The following TENM3 variants were observed in gnomAD, a reference collection of about 807,000 sequenced individuals.
TENM3 encodes teneurin transmembrane protein 3, also known as teneurin-3.
In TENM3, 63 loss-of-function variants were observed where a neutral mutation model predicts 255.1. The ratio of observed to expected loss-of-function variants is 0.25; its 90% CI spans 0.20 to 0.30. The LOEUF (loss-of-function observed/expected upper bound fraction) is 0.30, where lower values mean the gene tolerates loss of function less well. TENM3 is among the 10% of genes least tolerant of loss of function. The pLI is 1.00. For synonymous variants in TENM3, 1,306 were observed against 1,322.3 expected (o/e 0.99, Z 0.27); for missense variants, 2,929 against 3,461.1 (o/e 0.85, Z 3.86).
At chr4:181,546,545 C>T in the TENM3 span, among the ~76,000 whole-genome samples, 1 of 142,390 alleles carries the variant, frequency 7.0e-6, no homozygotes, top group Admixed American at 7.7e-5. Context: ...GAAACCCCGT[C>T]TCTACTAAAA....
intron 1 of TENM3, among the ~76,000 whole-genome samples, chr4:182,310,809 C>T (rs1050382204): frequency 1.3e-5 from 2 of 151,622 alleles, no homozygotes; most frequent in African/African-American, 2.4e-5. Flanking sequence ...TGGGTTCAAG[C>T]GATTCTCCTG....
chr4:182,437,626 T>A (rs1370769014), intron 3 of TENM3, among the ~76,000 whole-genome samples: 2 of 151,968 alleles, frequency 1.3e-5, no homozygotes, highest in Non-Finnish European at 2.9e-5. Context: ...TGAAACTCCA[T>A]CTCCACTAAA....
chr4:181,715,116 T>C, the TENM3 span, among the ~76,000 whole-genome samples: 1 of 152,314 alleles, frequency 6.6e-6, no homozygotes, highest in African/African-American at 2.4e-5. Flanking sequence ...GAACCTTCAG[T>C]TTAATCCCAC....
chr4:181,513,129 C>CT, the TENM3 span, among the ~76,000 whole-genome samples: 1 of 152,022 alleles, frequency 6.6e-6, no homozygotes, highest in Non-Finnish European at 1.5e-5. Flanking sequence ...TCCTCTGAGA[C>CT]TTTTTTTGTG....
the TENM3 span, among the ~76,000 whole-genome samples, chr4:181,922,343 C>G: frequency 2.8e-4 from 43 of 152,036 alleles, no homozygotes; most frequent in African/African-American, 9.2e-4. Context: ...GGTAGAATTC[C>G]GCTGTGAATC....
chr4:182,360,277 G>A (rs1256366609), intron 3 of TENM3, among the ~76,000 whole-genome samples: 1 of 128,710 alleles, frequency 7.8e-6, no homozygotes, highest in Admixed American at 8.3e-5. Context: ...GGGTATCCTT[G>A]TTGACTTTCT....
the TENM3 span, among the ~76,000 whole-genome samples, chr4:181,971,450 C>A: frequency 6.6e-6 from 1 of 152,184 alleles, no homozygotes; most frequent in Admixed American, 6.5e-5. Context: ...TAGAAAAATT[C>A]ATGGCAGAGT....
chr4:182,722,538 G>A (rs770985858), intron 13 of TENM3, among the ~76,000 whole-genome samples: 4 of 151,906 alleles, frequency 2.6e-5, no homozygotes, highest in East Asian at 3.9e-4. Context: ...GGAATTGAGG[G>A]CTATGTGGAG....
At chr4:182,465,551 T>C (rs1207353037) in intron 3 of TENM3, among the ~76,000 whole-genome samples, 1 of 152,156 alleles carries the variant, frequency 6.6e-6, no homozygotes, top group Non-Finnish European at 1.5e-5. Flanking sequence ...TGGAATTTTT[T>C]TTATAGCGGC....
chr4:182,635,700 T>C, intron 5 of TENM3, among the ~76,000 whole-genome samples: 1 of 152,220 alleles, frequency 6.6e-6, no homozygotes, highest in East Asian at 1.9e-4. Context: ...ATACATGTTG[T>C]CATATGCCTG....
intron 1 of TENM3, among the ~76,000 whole-genome samples, chr4:182,208,281 A>G (rs1359015076): frequency 6.6e-6 from 1 of 152,186 alleles, no homozygotes; most frequent in Non-Finnish European, 1.5e-5. Context: ...GTACCTTAAC[A>G]CGTCAGTTTC....
the TENM3 span, among the ~76,000 whole-genome samples, chr4:181,901,112 A>T: frequency 6.6e-6 from 1 of 152,202 alleles, no homozygotes; most frequent in African/African-American, 2.4e-5. Flanking sequence ...TCCTCCCAAA[A>T]ATCATAGCCC....
At chr4:182,508,912 A>G (rs1737100380) in intron 3 of TENM3, among the ~76,000 whole-genome samples, 1 of 152,240 alleles carries the variant, frequency 6.6e-6, no homozygotes, top group Admixed American at 6.5e-5. Context: ...AGCTATAATG[A>G]GATATGAACG....
chr4:182,665,881 C>CA (rs1453391211), intron 6 of TENM3, among the ~76,000 whole-genome samples: 1 of 151,814 alleles, frequency 6.6e-6, no homozygotes, highest in Non-Finnish European at 1.5e-5. Context: ...GGGCGACAGA[C>CA]AGAGACTCTG....
At chr4:181,526,931 C>G in the TENM3 span, among the ~76,000 whole-genome samples, 2 of 152,112 alleles carry the variant, frequency 1.3e-5, no homozygotes, top group African/African-American at 4.8e-5. Context: ...CCTTATAGTT[C>G]AGTTAGGAGA....
At chr4:182,794,158 G>A (rs1766318463) in intron 26 of TENM3, among the ~76,000 whole-genome samples, 3 of 152,062 alleles carry the variant, frequency 2.0e-5, no homozygotes, top group South Asian at 2.1e-4. Context: ...GGGAACATGG[G>A]GGACCAAAAA....
intron 3 of TENM3, among the ~76,000 whole-genome samples, chr4:182,479,234 G>C (rs1168395485): frequency 6.6e-6 from 1 of 151,826 alleles, no homozygotes; most frequent in Non-Finnish European, 1.5e-5. Context: ...CTGAGGGATA[G>C]AAATGTTAAA....
At chr4:182,522,113 A>G (rs1738641294) in intron 3 of TENM3, among the ~76,000 whole-genome samples, 1 of 152,208 alleles carries the variant, frequency 6.6e-6, no homozygotes, top group East Asian at 1.9e-4. Flanking sequence ...GCATGTGTAC[A>G]ATGTGTAAAT....
chr4:182,178,608 A>G (rs1369079239), intron 1 of TENM3, among the ~76,000 whole-genome samples: 2 of 152,214 alleles, frequency 1.3e-5, no homozygotes, highest in African/African-American at 2.4e-5. Flanking sequence ...AAATTTAATA[A>G]CAGTAATTTT....
Sources: allele counts gnomAD v4.1 joint callset (sites outside exome capture counted in the v4.1 genomes callset), GRCh38; gene constraint gnomAD v4.1.1; transcripts MANE v1.5; gene names NCBI Gene and HGNC (gene_info 2026-07-23, HGNC 2026-07-21).